The following SAMSN1 variants were observed in gnomAD, a reference collection of about 807,000 sequenced individuals.
SAMSN1 encodes SAM domain-containing protein SAMSN-1.
A neutral mutation model predicts 42.0 loss-of-function variants in SAMSN1; 31 were observed. The observed-to-expected ratio is 0.74, with a 90% CI of 0.55 to 1.00. The LOEUF (loss-of-function observed/expected upper bound fraction) is 1.00, where lower values mean the gene tolerates loss of function less well. Ranked by LOEUF, SAMSN1 falls within the 50% of genes least tolerant of loss-of-function variation. The pLI, the probability that SAMSN1 is intolerant of heterozygous loss-of-function variation, is 0.00. For missense variants in SAMSN1, 464 were observed against 439.4 expected, an observed-to-expected ratio of 1.06 and a Z score of -0.50; for synonymous variants, 178 against 151.9, an observed-to-expected ratio of 1.17 and a Z score of -1.26.
intron 1 of SAMSN1, among the ~76,000 whole-genome samples, chr21:14,657,151 C>T (rs1341523195): frequency 6.6e-6 from 1 of 151,838 alleles, no homozygotes; most frequent in Admixed American, 6.6e-5. Flanking sequence ...TGTATTTATT[C>T]CACAAGAAGG....
At chr21:14,528,647 A>G (rs1218000445) in intron 1 of SAMSN1, among the ~76,000 whole-genome samples, 1 of 152,218 alleles carries the variant, frequency 6.6e-6, no homozygotes, top group Non-Finnish European at 1.5e-5. Flanking sequence ...GCCTGTACAT[A>G]TGTCCAATTA....
At chr21:14,517,974 G>A (rs1282228785) in intron 2 of SAMSN1, among the ~76,000 whole-genome samples, 3 of 152,178 alleles carry the variant, frequency 2.0e-5, no homozygotes, top group Admixed American at 1.3e-4. Flanking sequence ...CTTGGGAGCA[G>A]TTTGTGCTTT....
chr21:14,539,571 G>A (rs1378518103), intron 1 of SAMSN1, among the ~76,000 whole-genome samples: 1 of 151,506 alleles, frequency 6.6e-6, no homozygotes, highest in East Asian at 1.9e-4. Context: ...AAATAAATAG[G>A]AATCCAACTT....
intron 1 of SAMSN1, among the ~76,000 whole-genome samples, chr21:14,527,079 T>C (rs993764361): frequency 3.3e-5 from 5 of 152,324 alleles, no homozygotes; most frequent in Middle Eastern, 3.4e-3. Flanking sequence ...TGAAATATAC[T>C]GGCAAATTAA....
intron 2 of SAMSN1, among the ~76,000 whole-genome samples, chr21:14,581,697 A>C (rs1465709744): frequency 2.0e-5 from 3 of 151,980 alleles, no homozygotes; most frequent in African/African-American, 7.3e-5. Context: ...TCATAATGTA[A>C]GTCCTTACCT....
rs571778132 is a variant in SAMSN1, at chr21:14,603,850, C to T, written c.323-1751G>A. ...CTCCACAGCTAAAGAGTAGCCATGG[C>T]TCTGAGCTCTCTCAGTTGAAGTCAC... On this transcript the variant is annotated intron_variant, in intron 5 of 15. Transcript: ENST00000647101. Among the ~76,000 whole-genome samples the T allele has an allele frequency of 2.6e-5, 4 of 152,330 alleles. No individual in the cohort carries two copies. The South Asian group carries it at 8.3e-4, about 32-fold the overall frequency.
chr21:14,648,438 G>A (rs1457945743), intron 1 of SAMSN1, among the ~76,000 whole-genome samples: 1 of 152,150 alleles, frequency 6.6e-6, no homozygotes, highest in African/African-American at 2.4e-5. Flanking sequence ...TTAAACTAAA[G>A]AGCTTCTGCA....
chr21:14,499,039 A>G (rs1568767394), intron 6 of SAMSN1, among the ~76,000 whole-genome samples: 1 of 152,186 alleles, frequency 6.6e-6, no homozygotes, highest in East Asian at 1.9e-4. Flanking sequence ...TACTCTCAAA[A>G]CATTCTTGGG....
At chr21:14,534,719 C>G (rs1198830906) in intron 1 of SAMSN1, among the ~76,000 whole-genome samples, 1 of 152,104 alleles carries the variant, frequency 6.6e-6, no homozygotes, top group Admixed American at 6.5e-5. Context: ...AGGAAGCATA[C>G]ATATGGTAAT....
chr21:14,509,583 C>T (rs1987584031), intron 5 of SAMSN1, among the ~76,000 whole-genome samples: 1 of 152,224 alleles, frequency 6.6e-6, no homozygotes, highest in South Asian at 2.1e-4. Flanking sequence ...CCTGCCAAGT[C>T]TGGTTCCCAA....
chr21:14,643,166 A>G (rs1432333685), intron 1 of SAMSN1: 2 of 712,220 alleles, frequency 2.8e-6, no homozygotes, highest in African/African-American at 1.8e-5. Context: ...TCAAGGAATA[A>G]CAGAATAATA....
Position 14,643,094 on chromosome 21 carries a change from G to A in SAMSN1, c.64C>T (p.Gln22Ter). ...GACATGTTTTCTTGGTTAGCTTGTT[G>A]CTCTGGGATTGGCTCATATAAGCTA... Residue 22 changes from glutamine (Q) to a stop codon, truncating the protein, a stop_gained, in exon 2 of 16, where the codon CAA becomes TAA. Transcript: ENST00000647101. LOFTEE classifies it high-confidence loss of function. The A allele has an allele frequency of 1.4e-6, 1 of 717,302 alleles. No individual in the cohort carries two copies. The highest frequency in any genetic ancestry group is 2.6e-6 in the Non-Finnish European group (1 of 384,990). The allele number at this position is 717,302 out of a possible 1,614,324, so 44.4% of individuals were successfully genotyped here.
At chr21:14,613,271 A>G (rs897636322) in intron 3 of SAMSN1, among the ~76,000 whole-genome samples, 1 of 152,238 alleles carries the variant, frequency 6.6e-6, no homozygotes. Flanking sequence ...TAAATTGTAT[A>G]TAACCATTAT....
chr21:14,554,496 C>A (rs563337790), intron 2 of SAMSN1, among the ~76,000 whole-genome samples: 1 of 152,072 alleles, frequency 6.6e-6, no homozygotes, highest in Admixed American at 6.6e-5. Flanking sequence ...CTATTCCCTT[C>A]ATTATCTTGT....
At chr21:14,619,615 C>A in intron 2 of SAMSN1, 1 of 285,752 alleles carries the variant, frequency 3.5e-6, no homozygotes, top group South Asian at 3.6e-5. Flanking sequence ...GTACCAGACA[C>A]TGTTGTAGGG....
chr21:14,569,344 T>C (rs1489762189), intron 2 of SAMSN1, among the ~76,000 whole-genome samples: 3 of 152,076 alleles, frequency 2.0e-5, no homozygotes, highest in African/African-American at 7.2e-5. Context: ...AAAAGATAAT[T>C]CTCTTCCACA....
chr21:14,609,194 T>A (rs1380216742), intron 5 of SAMSN1, among the ~76,000 whole-genome samples: 1 of 152,108 alleles, frequency 6.6e-6, no homozygotes, highest in Non-Finnish European at 1.5e-5. Context: ...ATTAAAACTT[T>A]CAGTTTTCTT....
At position 14,485,771 on chromosome 21, in the gene SAMSN1, G is replaced by A. The variant is rs949307010; in HGVS notation, c.*141C>T. On this transcript the variant is annotated 3_prime_UTR_variant, in exon 8 of 8. Coordinates refer to ENST00000400566, the MANE Select transcript of SAMSN1 (RefSeq NM_022136.5). ...GAATGTTAGAGATACAAAATTTTAT[G>A]TACAATTATTCAGATTAAAACATTT... The A allele has an allele frequency of 1.0e-5, 6 of 602,140 alleles. No individual in the cohort carries two copies. The highest frequency in any genetic ancestry group is 7.4e-5 in the African/African-American group (4 of 54,064). 37.3% of individuals were successfully genotyped at this position (602,140 alleles called of 1,614,324 possible).
chr21:14,602,045 G>A, exon 6 of SAMSN1: 1 of 690,000 alleles, frequency 1.4e-6, no homozygotes, highest in Middle Eastern at 2.5e-4. Context: ...TCCTTGTAGA[G>A]TTTTTCCTTG....
Sources: allele counts gnomAD v4.1 joint callset (sites outside exome capture counted in the v4.1 genomes callset), GRCh38; gene constraint gnomAD v4.1.1; transcripts MANE v1.5; gene names NCBI Gene and HGNC (gene_info 2026-07-23, HGNC 2026-07-21).